The following KIAA0319L variants were observed in gnomAD, a reference collection of about 807,000 sequenced individuals.
KIAA0319L encodes dyslexia-associated protein KIAA0319-like protein.
In KIAA0319L, 55 loss-of-function variants were observed where a neutral mutation model predicts 120.1. That is an observed-to-expected ratio of 0.46 (90% CI 0.37 to 0.57). The LOEUF is 0.57. KIAA0319L is among the 20% of genes least tolerant of loss of function. The pLI is 0.00. For synonymous variants in KIAA0319L, 398 were observed against 471.9 expected, an observed-to-expected ratio of 0.84 and a Z score of 2.03; for missense variants, 1,049 against 1,255.3, an observed-to-expected ratio of 0.84 and a Z score of 2.48.
At chr1:35,472,781 T>G (rs969286509) in intron 5 of KIAA0319L, among the ~76,000 whole-genome samples, 2 of 151,294 alleles carry the variant, frequency 1.3e-5, no homozygotes, top group Non-Finnish European at 2.9e-5. Flanking sequence ...AAATAATCTA[T>G]TTCCCTTTTT....
chr1:35,476,450 A>G (rs1643899441), intron 4 of KIAA0319L, among the ~76,000 whole-genome samples: 2 of 152,226 alleles, frequency 1.3e-5, no homozygotes, highest in Admixed American at 6.5e-5. Flanking sequence ...CTGGGAGGCG[A>G]GAAGGGCTTC....
At chr1:35,511,274 A>G (rs1282453320) in intron 2 of KIAA0319L, 12 of 152,558 alleles carry the variant, frequency 7.9e-5, no homozygotes, top group Admixed American at 7.9e-4. Context: ...GGGGGAAAAA[A>G]AAACAAAAAA....
chr1:35,476,180 T>C (rs1210718448), intron 4 of KIAA0319L, among the ~76,000 whole-genome samples: 1 of 152,230 alleles, frequency 6.6e-6, no homozygotes, highest in East Asian at 1.9e-4. Context: ...TCAGCACTCC[T>C]GATATTTTGG....
rs554050475 is a variant in KIAA0319L, at chr1:35,448,155, C to T, written c.2513+18G>A. 3.8e-6 allele frequency: 6 copies of T among 1,566,562 alleles called. No individual in the cohort carries two copies. Among genetic ancestry groups the T allele is most frequent in the Non-Finnish European group, 5.2e-6 (6 of 1,153,686 alleles). On this transcript the variant is annotated intron_variant, in intron 16 of 20. Coordinates refer to ENST00000325722, the MANE Select transcript of KIAA0319L (RefSeq NM_024874.5). ...CCCCTGGTCTTTCCTTTGCTCCCCC[C>T]ATTCATTGCCCAGCTACCTCTGCTC...
chr1:35,537,560 T>C (rs1558635894), intron 2 of KIAA0319L, among the ~76,000 whole-genome samples: 1 of 149,838 alleles, frequency 6.7e-6, no homozygotes, highest in Non-Finnish European at 1.5e-5. Context: ...AGGAAAAGTT[T>C]ATATCAATTT....
At chr1:35,449,626 C>T (rs554780291) in intron 15 of KIAA0319L, among the ~76,000 whole-genome samples, 1 of 152,288 alleles carries the variant, frequency 6.6e-6, no homozygotes, top group Non-Finnish European at 1.5e-5. Flanking sequence ...CAAGTCCTGC[C>T]CTCTCTGAGT....
chr1:35,462,711 G>A lies in KIAA0319L; in HGVS notation c.1204C>T (p.Pro402Ser), dbSNP rs556038840. The A allele has an allele frequency of 1.2e-6, 2 of 1,613,452 alleles. No homozygotes were observed. Among genetic ancestry groups the A allele is most frequent in the Non-Finnish European group, 1.7e-6 (2 of 1,179,410 alleles). The change falls in exon 8 of 21, where the codon CCC (proline) becomes TCC (serine). Residue 402 changes from proline (P) to serine (S), a missense_variant and splice_region_variant. By Grantham distance (74) the Pro-to-Ser change is moderately conservative. Transcript: ENST00000325722. Reference sequence around the variant, plus strand: ...GCAATGGGGGGCCGATTCTTACGGGGCTCTGCAAGAAAGTGACCCAAAAGA... The same window carrying A: ...GCAATGGGGGGCCGATTCTTACGGGACTCTGCAAGAAAGTGACCCAAAAGA... ...GYVNVTVKPE[P>S]RKNRPPIAIV...
At chr1:35,514,852 G>T (rs1265513729) in intron 2 of KIAA0319L, among the ~76,000 whole-genome samples, 1 of 152,178 alleles carries the variant, frequency 6.6e-6, no homozygotes, top group Non-Finnish European at 1.5e-5. Context: ...AATTAACAAA[G>T]ATATTCAGGA....
At position 35,462,577 on chromosome 1, in the gene KIAA0319L, C is replaced by T. The variant is rs200651359; in HGVS notation, c.1294+44G>A. 3.6e-3 allele frequency: 5,219 copies of T among 1,455,562 alleles called. 14 individuals are homozygous for T. Among genetic ancestry groups the T allele is most frequent in the Non-Finnish European group, 4.0e-3 (4,136 of 1,036,140 alleles). The allele number at this position is 1,455,562 out of a possible 1,614,324, so 90.2% of individuals were successfully genotyped here. A position where few individuals can be genotyped will look rare whatever the true frequency, so the allele number is the denominator to read the frequency against. ...TACTAGAGTTTTCTATCAGAGTACA[C>T]GGTGAATGTTCTTCTAAAACATCAT... On this transcript the variant is annotated intron_variant, in intron 8 of 20. Transcript: ENST00000325722.
In KIAA0319L at chr1:35,457,933, T is replaced by C. The variant is rs148125722; in HGVS notation, c.1428-1692A>G. ...TCTGTTGTTTTCACAGGTTTGGGTT[T>C]TTTTGTTTTGTTTTTTTTCTGAGAC... On this transcript the variant is annotated intron_variant, in intron 9 of 20. Coordinates refer to ENST00000325722, the MANE Select transcript of KIAA0319L (RefSeq NM_024874.5). 4.6e-4 allele frequency among the ~76,000 whole-genome samples: 70 copies of C among 152,200 alleles called. 1 individual carries two copies. In the East Asian group the frequency reaches 0.013, roughly 27 times the overall value.
chr1:35,549,657 C>T (rs1647124607), intron 2 of KIAA0319L, among the ~76,000 whole-genome samples: 1 of 152,120 alleles, frequency 6.6e-6, no homozygotes, highest in Non-Finnish European at 1.5e-5. Context: ...AACATGCACA[C>T]ATAACTCTTC....
chr1:35,457,971 T>C (rs536039961), intron 9 of KIAA0319L, among the ~76,000 whole-genome samples: 360 of 152,370 alleles, frequency 2.4e-3, no homozygotes, highest in African/African-American at 8.4e-3. Context: ...AGTCTCGCTC[T>C]GTCGCCCAGG....
rs572456391 is a variant in KIAA0319L, at chr1:35,455,410, C to A, written c.1656+603G>T. 2.0e-5 allele frequency among the ~76,000 whole-genome samples: 3 copies of A among 152,128 alleles called. No homozygotes were observed. In the East Asian group the frequency reaches 5.8e-4, roughly 29 times the overall value. On this transcript the variant is annotated intron_variant, in intron 10 of 20. Coordinates refer to ENST00000325722, the MANE Select transcript of KIAA0319L (RefSeq NM_024874.5). ...AGATCTAGTCTCTCTTCTTAAGCATCTCTAGAGAGAAGATACTCACCATCT... is the reference window on the plus strand; with the variant it reads ...AGATCTAGTCTCTCTTCTTAAGCATATCTAGAGAGAAGATACTCACCATCT...
chr1:35,460,229 A>G, intron 9 of KIAA0319L, 76 bp downstream of exon 9: 1 of 1,164,674 alleles, frequency 8.6e-7, no homozygotes, highest in South Asian at 1.4e-5. Flanking sequence ...TGTCAAAGTT[A>G]CTCATATAAC....
intron 2 of KIAA0319L, among the ~76,000 whole-genome samples, chr1:35,544,847 G>T (rs1221556182): frequency 6.6e-6 from 1 of 152,218 alleles, no homozygotes; most frequent in African/African-American, 2.4e-5. Context: ...ACTGTTTTTA[G>T]TCAGGAGATA....
chr1:35,453,423 T>G lies in KIAA0319L; in HGVS notation c.1913+134A>C. On this transcript the variant is annotated intron_variant, in intron 12 of 20. Coordinates refer to ENST00000325722, the MANE Select transcript of KIAA0319L (RefSeq NM_024874.5). This position sits in a 1 kb window ranked among gnomAD's most constrained non-coding sequence, Gnocchi z 4.1. ...ATTTTCTTGGAGTTGAAGTTTGGAA[T>G]TGCAAACATTTCTTCCTCAGTCACC... 2.7e-6 allele frequency: 2 copies of G among 731,924 alleles called. No homozygotes were observed. Among genetic ancestry groups the G allele is most frequent in the Admixed American group, 2.5e-5 (1 of 39,618 alleles). The allele number at this position is 731,924 out of a possible 1,614,324, so 45.3% of individuals were successfully genotyped here.
rs780768580 is a variant in KIAA0319L, at chr1:35,474,792, A to C, written c.1015+13T>G. 6.8e-7 allele frequency: 1 copy of C among 1,480,982 alleles called. No individual in the cohort carries two copies. Among genetic ancestry groups the C allele is most frequent in the African/African-American group, 1.4e-5 (1 of 72,110 alleles). The allele number at this position is 1,480,982 out of a possible 1,614,324, so 91.7% of individuals were successfully genotyped here. A position where few individuals can be genotyped will look rare whatever the true frequency, so the allele number is the denominator to read the frequency against. The stretch of plus-strand genomic sequence containing the variant: ...AACAAAAAACGGTTATCCAAATGTA[A>C]GGGGATGTTTACCTTTAGGTGGTTC... On this transcript the variant is annotated intron_variant, in intron 5 of 20. Transcript: ENST00000325722.
intron 13 of KIAA0319L, among the ~76,000 whole-genome samples, chr1:35,451,169 T>A (rs1353033980): frequency 2.0e-5 from 3 of 152,210 alleles, no homozygotes; most frequent in Non-Finnish European, 4.4e-5. Flanking sequence ...GCAAGGCCTC[T>A]GGCTGGCCTC....
chr1:35,458,319 C>A (rs1333328671), intron 9 of KIAA0319L, among the ~76,000 whole-genome samples: 1 of 152,076 alleles, frequency 6.6e-6, no homozygotes, highest in East Asian at 1.9e-4. Flanking sequence ...TGGCAGCTGC[C>A]CATTTTCTCT....
Sources: gnomAD v4.1 joint callset for allele counts (sites outside exome capture counted in the v4.1 genomes callset) on GRCh38, gnomAD v4.1.1 for gene constraint, Gnocchi (gnomAD v3.1) non-coding constraint, MANE v1.5 for transcripts, NCBI Gene and HGNC (gene_info 2026-07-23, HGNC 2026-07-21) for gene names.